Variants in TTLL1 observed in about 807,000 individuals in gnomAD.
The protein encoded by TTLL1 is polyglutamylase complex subunit TTLL1.
TTLL1 carries 33 observed loss-of-function variants against 47.8 expected under a neutral mutation model. The observed-to-expected ratio is 0.69, with a 90% CI of 0.52 to 0.92. TTLL1 has a LOEUF of 0.92. Ranked by LOEUF, TTLL1 falls within the 40% of genes least tolerant of loss-of-function variation. The pLI, the probability that TTLL1 is intolerant of heterozygous loss-of-function variation, is 0.00. For synonymous variants in TTLL1, 225 were observed against 214.1 expected (o/e 1.05, Z -0.45); for missense variants, 488 against 547.5 (o/e 0.89, Z 1.08).
intron 10 of TTLL1, among the ~76,000 whole-genome samples, chr22:43,046,023 C>G (rs1926100731): frequency 2.6e-5 from 4 of 152,080 alleles, no homozygotes. Flanking sequence ...GAGTTCAAGA[C>G]CAGCCTGGCC....
chr22:43,075,695 C>A, intron 2 of TTLL1, 105 bp from the exon 3 acceptor site: 1 of 952,896 alleles, frequency 1.0e-6, no homozygotes. Context: ...TCGATCTTAC[C>A]CCGGCAATGG....
At chr22:43,058,411 T>C (rs1927168497) in intron 8 of TTLL1, among the ~76,000 whole-genome samples, 1 of 152,212 alleles carries the variant, frequency 6.6e-6, no homozygotes, top group South Asian at 2.1e-4. Context: ...AGGCACGCCA[T>C]TTCCAGCCCG....
At chr22:43,071,961 A>T (rs1928152446) in intron 3 of TTLL1, among the ~76,000 whole-genome samples, 1 of 151,582 alleles carries the variant, frequency 6.6e-6, no homozygotes, top group African/African-American at 2.4e-5. Flanking sequence ...TCAGGATGGC[A>T]CCTTCTCACA....
chr22:43,070,926 T>C (rs781338479), intron 3 of TTLL1, among the ~76,000 whole-genome samples: 1 of 152,192 alleles, frequency 6.6e-6, no homozygotes, highest in Admixed American at 6.6e-5. Flanking sequence ...TATGTATTTA[T>C]TTTTGAGACA....
intron 5 of TTLL1, among the ~76,000 whole-genome samples, chr22:43,067,390 G>A (rs577774296): frequency 4.3e-4 from 65 of 152,328 alleles, no homozygotes; most frequent in African/African-American, 6.3e-4. Context: ...CAGCCACTTC[G>A]TGTGAGACTG....
intron 8 of TTLL1, among the ~76,000 whole-genome samples, chr22:43,057,240 G>C (rs1424922427): frequency 6.8e-6 from 1 of 147,296 alleles, no homozygotes; most frequent in African/African-American, 2.5e-5. Flanking sequence ...CTGCACTCCA[G>C]CCTGGTCGAC....
intron 2 of TTLL1, among the ~76,000 whole-genome samples, chr22:43,077,032 C>T (rs982391528): frequency 5.9e-5 from 9 of 151,458 alleles, no homozygotes; most frequent in Admixed American, 4.6e-4. Context: ...ACCCGGGAGG[C>T]GGAGATTGCA....
chr22:43,057,467 A>G (rs1601671894), intron 8 of TTLL1, among the ~76,000 whole-genome samples: 1 of 152,092 alleles, frequency 6.6e-6, no homozygotes, highest in East Asian at 1.9e-4. Flanking sequence ...CTTGACACCA[A>G]TGTGGGGGAC....
At position 43,041,966 on chromosome 22, in the gene TTLL1, C is replaced by T. The variant is rs757619216; in HGVS notation, c.1143-2061G>A. 9.9e-5 allele frequency among the ~76,000 whole-genome samples: 15 copies of T among 152,078 alleles called. No homozygotes were observed. The South Asian group carries it at 1.0e-3, about 10-fold the overall frequency. ...CATAGTCCCTATGACACAAGGAAGC[C>T]GGACAGGACACCCCTGGAACTCTGG... On this transcript the variant is annotated intron_variant, in intron 10 of 10. Transcript: ENST00000266254.
At chr22:43,059,337 CCCAAACGGG>C in intron 8 of TTLL1, 38 bp downstream of exon 8, 1 of 1,578,784 alleles carries the variant, frequency 6.3e-7, no homozygotes, top group Non-Finnish European at 8.6e-7. Flanking sequence ...CCCCCCCACT[CCCAAACGGG>C]CCCTGGGAGC....
chr22:43,062,913 A>G (rs1927477527), intron 7 of TTLL1, among the ~76,000 whole-genome samples: 2 of 152,208 alleles, frequency 1.3e-5, no homozygotes, highest in Admixed American at 1.3e-4. Context: ...AACACTTACA[A>G]TAGCCTGAAG....
intron 10 of TTLL1, among the ~76,000 whole-genome samples, chr22:43,042,590 C>G (rs998545602): frequency 1.3e-5 from 2 of 152,214 alleles, no homozygotes; most frequent in Non-Finnish European, 2.9e-5. Flanking sequence ...TGACCTCATG[C>G]GGCCAGTGTC....
chr22:43,074,900 G>C (rs1380758668), intron 3 of TTLL1, among the ~76,000 whole-genome samples: 1 of 151,850 alleles, frequency 6.6e-6, no homozygotes. Context: ...AATGTGGCCA[G>C]GCGCTTGGCT....
At chr22:43,087,171 C>CT (rs1264421259) in intron 1 of TTLL1, among the ~76,000 whole-genome samples, 1 of 152,320 alleles carries the variant, frequency 6.6e-6, no homozygotes, top group Middle Eastern at 3.4e-3. Context: ...CACATTGTCA[C>CT]TTTATTTTCT....
chr22:43,041,060 C>T (rs964981997), intron 10 of TTLL1, among the ~76,000 whole-genome samples: 8 of 152,196 alleles, frequency 5.3e-5, no homozygotes, highest in South Asian at 2.1e-4. Context: ...CCTCCCAACT[C>T]GGGCGGCAGC....
intron 8 of TTLL1, among the ~76,000 whole-genome samples, chr22:43,054,588 C>G (rs1926870750): frequency 6.6e-6 from 1 of 151,948 alleles, no homozygotes; most frequent in Admixed American, 6.6e-5. Context: ...CCACACCCAG[C>G]TAATTTTGTA....
chr22:43,043,861 T>C (rs1160113181), intron 10 of TTLL1, among the ~76,000 whole-genome samples: 5 of 151,976 alleles, frequency 3.3e-5, no homozygotes, highest in African/African-American at 9.7e-5. Flanking sequence ...CCAGATCCCT[T>C]GGAGAGCCAG....
intron 9 of TTLL1, 64 bp downstream of exon 9, chr22:43,051,737 T>G (rs1001763430): frequency 6.6e-7 from 1 of 1,517,090 alleles, no homozygotes; most frequent in South Asian, 1.1e-5. Context: ...TGGGCCCGAA[T>G]CGGGGCAGAA....
chr22:43,064,783 C>T (rs1927621000), intron 5 of TTLL1, among the ~76,000 whole-genome samples: 1 of 151,930 alleles, frequency 6.6e-6, no homozygotes, highest in Non-Finnish European at 1.5e-5. Context: ...GTGGTTGCCA[C>T]AGACTAGGGA....
Sources: gnomAD v4.1 joint callset for allele counts (sites outside exome capture counted in the v4.1 genomes callset) on GRCh38, gnomAD v4.1.1 for gene constraint, MANE v1.5 for transcripts, NCBI Gene and HGNC (gene_info 2026-07-23, HGNC 2026-07-21) for gene names.